Variants in HERC1 observed in about 807,000 individuals in gnomAD.
HERC1 encodes HECT and RLD domain containing E3 ubiquitin protein ligase family member 1, also known as probable E3 ubiquitin-protein ligase HERC1.
HERC1 carries 160 observed loss-of-function variants against 554.3 expected under a neutral mutation model. The observed-to-expected ratio is 0.29, with a 90% CI of 0.25 to 0.33. HERC1 has a LOEUF of 0.33. Ranked by LOEUF, HERC1 falls within the 10% of genes least tolerant of loss-of-function variation. The pLI is 1.00. For synonymous variants in HERC1, 2,175 were observed against 2,131.7 expected (o/e 1.02, Z -0.56); for missense variants, 4,919 against 5,918.5 (o/e 0.83, Z 5.54).
chr15:63,750,860 G>A (rs1222084412), intron 8 of HERC1, among the ~76,000 whole-genome samples: 1 of 152,168 alleles, frequency 6.6e-6, no homozygotes, highest in Non-Finnish European at 1.5e-5. Context: ...TTGAGCCCAG[G>A]AGGTAGGTCA....
At chr15:63,679,489 C>G (rs1232593081) in intron 36 of HERC1, among the ~76,000 whole-genome samples, 1 of 152,090 alleles carries the variant, frequency 6.6e-6, no homozygotes, top group Non-Finnish European at 1.5e-5. Flanking sequence ...TTGACTTAAG[C>G]TGTACTATGC....
intron 19 of HERC1, among the ~76,000 whole-genome samples, chr15:63,722,513 A>G (rs2073863789): frequency 6.6e-6 from 1 of 152,218 alleles, no homozygotes; most frequent in South Asian, 2.1e-4. Flanking sequence ...GTCCAAAAAT[A>G]TTAAATGGAA....
At chr15:63,772,140 A>G (rs1381716115) in intron 2 of HERC1, among the ~76,000 whole-genome samples, 1 of 151,982 alleles carries the variant, frequency 6.6e-6, no homozygotes, top group Admixed American at 6.6e-5. Context: ...AAAAGGGAAA[A>G]AGGAAAAATA....
chr15:63,720,642 G>C (rs1243811283), intron 19 of HERC1, among the ~76,000 whole-genome samples: 1 of 152,200 alleles, frequency 6.6e-6, no homozygotes, highest in East Asian at 1.9e-4. Flanking sequence ...AAATATGCCA[G>C]ATTTTAAGAA....
chr15:63,646,289 A>G (rs904632186), intron 55 of HERC1, among the ~76,000 whole-genome samples: 4 of 152,140 alleles, frequency 2.6e-5, no homozygotes, highest in Admixed American at 2.6e-4. Flanking sequence ...AATTTCTGAC[A>G]TTACTGGGAG....
In HERC1 at chr15:63,716,002, T is replaced by A. The variant is rs183311124; in HGVS notation, c.4150+300A>T. On this transcript the variant is annotated intron_variant, in intron 22 of 77. Coordinates refer to ENST00000443617, the MANE Select transcript of HERC1 (RefSeq NM_003922.4). ...ACAACTTGTTGCCCCAGAGGACATA[T>A]TTTGAATGGCCCTATCTGATGACTC... 6.4e-4 allele frequency among the ~76,000 whole-genome samples: 98 copies of A among 152,182 alleles called. 4 individuals carry two copies. Among genetic ancestry groups the A allele is most frequent in the Non-Finnish European group, 2.8e-4 (19 of 68,044 alleles).
intron 3 of HERC1, among the ~76,000 whole-genome samples, chr15:63,760,488 A>T (rs1261895122): frequency 6.6e-6 from 1 of 151,584 alleles, no homozygotes; most frequent in Admixed American, 6.6e-5. Context: ...CTGAATTACA[A>T]ACCCTCAAAA....
intron 30 of HERC1, among the ~76,000 whole-genome samples, chr15:63,693,068 C>G (rs1336072820): frequency 1.3e-5 from 2 of 151,966 alleles, no homozygotes; most frequent in Non-Finnish European, 2.9e-5. Context: ...GCAACCCCAG[C>G]CACTCAGGCT....
At position 63,652,533 on chromosome 15, in the gene HERC1, T is replaced by C. The variant is rs1475311900; in HGVS notation, c.10299A>G (p.Thr3433=). Residue 3433 remains threonine, a synonymous_variant, in exon 52 of 78, where the codon ACA becomes ACG. Coordinates refer to ENST00000443617, the MANE Select transcript of HERC1 (RefSeq NM_003922.4). ...KLEAHQNRVM[T]CVWCNKKGLL... ...GACCTTTTTTATTACACCAAACACA[T>C]GTCATTACCTAGAAAAGTTGAAACA... is the stretch of plus-strand genomic sequence containing the variant. The C allele has an allele frequency of 6.3e-7, 1 of 1,589,818 alleles. No homozygotes were observed. Among genetic ancestry groups the C allele is most frequent in the Non-Finnish European group, 8.6e-7 (1 of 1,166,250 alleles).
At chr15:63,751,158 AC>A (rs1011222073) in intron 8 of HERC1, among the ~76,000 whole-genome samples, 1 of 152,200 alleles carries the variant, frequency 6.6e-6, no homozygotes, top group African/African-American at 2.4e-5. Context: ...TCAATAGCAG[AC>A]CACATTATAC....
rs538637753 is a variant in HERC1 at position 63,766,672 on chromosome 15, T to G, written c.931-2481A>C. Among the ~76,000 whole-genome samples, 172 of 152,286 alleles carry G rather than the reference T, an allele frequency of 1.1e-3. 1 individual carries two copies. The highest frequency in any genetic ancestry group is 4.1e-3 in the African/African-American group (170 of 41,560). ...TTCGTAATACATTAAAGGTTAGGGG[T>G]TTTTTTGTTTTGTTTTGTTTTTGAG... On this transcript the variant is annotated intron_variant, in intron 2 of 77. Coordinates refer to ENST00000443617, the MANE Select transcript of HERC1 (RefSeq NM_003922.4).
At position 63,716,336 on chromosome 15, in the gene HERC1, CTCT is replaced by C. The variant is rs1488493068; in HGVS notation, c.4113_4115del (p.Glu1374del). ...TCATCACTTCATGTTCCCGTTCCTC[CTCT>C]TCATCCTCTGGCTCCGGATGCCCCT... is the stretch of plus-strand genomic sequence containing the variant. On this transcript the variant is annotated inframe_deletion, in exon 22 of 78. Transcript: ENST00000443617. 2.5e-6 allele frequency: 4 copies of C among 1,613,652 alleles called. No homozygotes were observed. Among genetic ancestry groups the C allele is most frequent in the Admixed American group, 1.7e-5 (1 of 59,974 alleles).
Position 63,640,510 on chromosome 15 carries a change from C to A in HERC1, c.11608-65G>T. 4 of 1,286,142 alleles carry A rather than the reference C, an allele frequency of 3.1e-6. No homozygotes were observed. In the East Asian group the frequency reaches 9.5e-5, roughly 31 times the overall value. The allele number at this position is 1,286,142 out of a possible 1,614,324, so 79.7% of individuals were successfully genotyped here. A position where few individuals can be genotyped will look rare whatever the true frequency, so the allele number is the denominator to read the frequency against. ...GTGCCAAATATTCTAAATTAACCTA[C>A]CGTAGTCTGAAAGTCTGGAATCATA... On this transcript the variant is annotated intron_variant, in intron 60 of 77. Transcript: ENST00000443617.
chr15:63,654,425 G>A (rs1006572606), intron 50 of HERC1, 101 bp from the exon 51 acceptor site: 2 of 880,830 alleles, frequency 2.3e-6, no homozygotes, highest in Non-Finnish European at 3.5e-6. Context: ...TGGTGGTGGT[G>A]AACAAGCAAA....
chr15:63,790,586 ATTT>A (rs543195281), intron 1 of HERC1, among the ~76,000 whole-genome samples: 1 of 147,322 alleles, frequency 6.8e-6, no homozygotes, highest in Non-Finnish European at 1.5e-5. Flanking sequence ...TCAAAAAAAA[ATTT>A]TTTTTTTAAA....
rs929443085 is a variant in HERC1 at position 63,758,038 on chromosome 15, A to T, written c.1221+137T>A. 1 of 627,610 alleles carries T rather than the reference A, an allele frequency of 1.6e-6. No individual in the cohort carries two copies. Among genetic ancestry groups the T allele is most frequent in the Non-Finnish European group, 2.5e-6 (1 of 394,220 alleles). The allele number at this position is 627,610 out of a possible 1,614,324, so 38.9% of individuals were successfully genotyped here. A position where few individuals can be genotyped will look rare whatever the true frequency, so the allele number is the denominator to read the frequency against. On this transcript the variant is annotated intron_variant, in intron 4 of 77. Transcript: ENST00000443617. This position sits in a 1 kb window ranked among gnomAD's most constrained non-coding sequence, Gnocchi z 4.0. ...TTATTTTTCTATTAAAATGAAAAAA[A>T]CTAATGCAGTATATAGACCAGAAAT...
chr15:63,622,525 G>A (rs558409738), intron 74 of HERC1, among the ~76,000 whole-genome samples: 1 of 151,918 alleles, frequency 6.6e-6, no homozygotes, highest in South Asian at 2.1e-4. Context: ...TAGAGATGGG[G>A]TTTCACCATG....
intron 57 of HERC1, 116 bp downstream of exon 57, chr15:63,644,876 A>G (rs1330724191): frequency 2.8e-6 from 2 of 705,378 alleles, no homozygotes; most frequent in Non-Finnish European, 4.9e-6. Flanking sequence ...ATATTTCCCA[A>G]TGGATCTTGC....
At chr15:63,791,997 G>A (rs529244605) in intron 1 of HERC1, among the ~76,000 whole-genome samples, 3 of 152,130 alleles carry the variant, frequency 2.0e-5, no homozygotes, top group East Asian at 1.9e-4. Context: ...GGGGCAAAGT[G>A]TAATAATTGA....
Sources: gnomAD v4.1 joint callset for allele counts (sites outside exome capture counted in the v4.1 genomes callset) on GRCh38, gnomAD v4.1.1 for gene constraint, Gnocchi (gnomAD v3.1) non-coding constraint, MANE v1.5 for transcripts, NCBI Gene and HGNC (gene_info 2026-07-23, HGNC 2026-07-21) for gene names.